Variants in THSD7B observed in about 807,000 individuals in gnomAD.
THSD7B encodes the protein thrombospondin type 1 domain containing 7B, also known as thrombospondin type-1 domain-containing protein 7B.
In THSD7B, 138 loss-of-function variants were observed where a neutral mutation model predicts 213.6. The observed-to-expected ratio is 0.65, with a 90% CI of 0.56 to 0.74. The LOEUF is 0.74. THSD7B is among the 30% of genes least tolerant of loss of function. The pLI is 0.00. For missense variants in THSD7B, 1,931 were observed against 1,991.5 expected, an observed-to-expected ratio of 0.97 and a Z score of 0.58; for synonymous variants, 742 against 687.0, an observed-to-expected ratio of 1.08 and a Z score of -1.25.
At chr2:137,630,033 G>T (rs550148035) in intron 20 of THSD7B, among the ~76,000 whole-genome samples, 2 of 150,260 alleles carry the variant, frequency 1.3e-5, no homozygotes, top group African/African-American at 4.9e-5. Context: ...TTGCTCTGTT[G>T]CCCAGGCTGA....
intron 1 of THSD7B, among the ~76,000 whole-genome samples, chr2:136,836,270 A>G (rs746016946): frequency 1.3e-5 from 2 of 152,174 alleles, no homozygotes; most frequent in African/African-American, 2.4e-5. Context: ...AGCTCCAACT[A>G]CAAATTGAAC....
At chr2:137,625,478 A>AT (rs2104847014) in intron 20 of THSD7B, among the ~76,000 whole-genome samples, 1 of 152,102 alleles carries the variant, frequency 6.6e-6, no homozygotes, top group African/African-American at 2.4e-5. Context: ...GTATAATTAA[A>AT]AAAAAAAATA....
chr2:137,418,617 T>C (rs1274134460), intron 14 of THSD7B, among the ~76,000 whole-genome samples: 1 of 152,206 alleles, frequency 6.6e-6, no homozygotes, highest in Non-Finnish European at 1.5e-5. Flanking sequence ...GTCACTCTAC[T>C]GATCTATTGA....
At chr2:136,930,943 G>A (rs756396154) in intron 2 of THSD7B, among the ~76,000 whole-genome samples, 12 of 152,052 alleles carry the variant, frequency 7.9e-5, no homozygotes, top group Middle Eastern at 3.2e-3. Context: ...ATTCCCCAGA[G>A]CAGTCATTGT....
chr2:137,411,503 T>C, intron 13 of THSD7B, 106 bp from the exon 14 acceptor site: 1 of 1,113,942 alleles, frequency 9.0e-7, no homozygotes, highest in East Asian at 2.6e-5. Flanking sequence ...AAACAAAGGC[T>C]TTATTTTATT....
chr2:136,872,599 CT>C (rs1284123860), intron 1 of THSD7B, among the ~76,000 whole-genome samples: 2 of 140,748 alleles, frequency 1.4e-5, no homozygotes, highest in Non-Finnish European at 3.1e-5. Flanking sequence ...TTCTTTCTTT[CT>C]TCCTTTTTCT....
intron 3 of THSD7B, among the ~76,000 whole-genome samples, chr2:137,063,854 G>C (rs1319344606): frequency 6.6e-6 from 1 of 151,934 alleles, no homozygotes; most frequent in African/African-American, 2.4e-5. Context: ...GGATCTCATT[G>C]GTTTTTATAG....
chr2:137,015,127 C>G (rs887589338), intron 2 of THSD7B, among the ~76,000 whole-genome samples: 1 of 152,158 alleles, frequency 6.6e-6, no homozygotes, highest in Non-Finnish European at 1.5e-5. Context: ...ACTATAGACT[C>G]CCAGGGGGCA....
intron 21 of THSD7B, among the ~76,000 whole-genome samples, chr2:137,655,279 A>C (rs544833651): frequency 2.0e-5 from 3 of 152,318 alleles, no homozygotes; most frequent in African/African-American, 4.8e-5. Flanking sequence ...TTCTAAGTAC[A>C]TAGGTTCCAT....
At chr2:137,122,408 A>G (rs999189825) in intron 5 of THSD7B, among the ~76,000 whole-genome samples, 34 of 152,180 alleles carry the variant, frequency 2.2e-4, no homozygotes, top group Non-Finnish European at 8.8e-5. Flanking sequence ...TGGGCCTTAA[A>G]GGAAGTTCAT....
At chr2:137,626,536 C>T (rs1431498155) in intron 20 of THSD7B, among the ~76,000 whole-genome samples, 9 of 151,714 alleles carry the variant, frequency 5.9e-5, no homozygotes, top group Admixed American at 3.3e-4. Flanking sequence ...TCACCATTAC[C>T]ACCTGGCTCT....
In THSD7B at chr2:137,404,937, A is replaced by C. The variant is rs148633193; in HGVS notation, c.2501-676A>C. On this transcript the variant is annotated intron_variant, in intron 12 of 27. Transcript: ENST00000409968. ...GCTCAGGTGATGGGTGTACCAGGTT[A>C]TCACACATCTCCGCTAAAGAATTTG... Among the ~76,000 whole-genome samples, 194 of 152,214 alleles carry C rather than the reference A, an allele frequency of 1.3e-3. 1 individual carries two copies. The highest frequency in any genetic ancestry group is 4.3e-3 in the African/African-American group (180 of 41,528).
chr2:137,562,324 G>A (rs1255235639), intron 15 of THSD7B, among the ~76,000 whole-genome samples: 2 of 152,130 alleles, frequency 1.3e-5, no homozygotes, highest in Non-Finnish European at 2.9e-5. Context: ...TTGTGATCAT[G>A]CAATGGAAGA....
In THSD7B at chr2:137,565,544, C is replaced by T. The variant is rs181827540; in HGVS notation, c.3272+2190C>T. Among the ~76,000 whole-genome samples the T allele has an allele frequency of 3.7e-3, 561 of 152,302 alleles. 2 individuals are homozygous for T. The highest frequency in any genetic ancestry group is 0.013 in the African/African-American group (537 of 41,578). ...TCATAAGGGTTCCACCTTCAAGACT[C>T]AATTGCATCTTAAAGGCCTCACGTC... On this transcript the variant is annotated intron_variant, in intron 16 of 27. Coordinates refer to ENST00000409968, the MANE Select transcript of THSD7B (RefSeq NM_001316349.2).
At chr2:137,291,304 A>G (rs1553435959) in intron 12 of THSD7B, among the ~76,000 whole-genome samples, 1 of 152,030 alleles carries the variant, frequency 6.6e-6, no homozygotes, top group Non-Finnish European at 1.5e-5. Context: ...CTCCCTTCTT[A>G]CTTATACTTT....
intron 2 of THSD7B, among the ~76,000 whole-genome samples, chr2:136,971,117 A>G (rs986296627): frequency 6.6e-6 from 1 of 152,188 alleles, no homozygotes; most frequent in Non-Finnish European, 1.5e-5. Flanking sequence ...CTCAAATAGG[A>G]ATAAGACAAA....
intron 2 of THSD7B, among the ~76,000 whole-genome samples, chr2:137,041,147 G>C (rs944866517): frequency 6.6e-6 from 1 of 152,130 alleles, no homozygotes; most frequent in Non-Finnish European, 1.5e-5. Context: ...CAGGAATATT[G>C]TTGTGTGTTT....
chr2:136,963,893 T>C (rs1685272478), intron 2 of THSD7B, among the ~76,000 whole-genome samples: 1 of 152,304 alleles, frequency 6.6e-6, no homozygotes, highest in African/African-American at 2.4e-5. Context: ...AATGGTGAGA[T>C]TAGGCCACAT....
chr2:137,543,510 C>A (rs969890615), intron 15 of THSD7B, among the ~76,000 whole-genome samples: 1 of 151,734 alleles, frequency 6.6e-6, no homozygotes, highest in Non-Finnish European at 1.5e-5. Flanking sequence ...ATATAAGCAC[C>A]AAAGCTGTAA....
Sources: gnomAD v4.1 joint callset for allele counts (sites outside exome capture counted in the v4.1 genomes callset) on GRCh38, gnomAD v4.1.1 for gene constraint, MANE v1.5 for transcripts, NCBI Gene and HGNC (gene_info 2026-07-23, HGNC 2026-07-21) for gene names.